Variants in SMPDL3B observed in about 807,000 individuals in gnomAD.
The protein encoded by SMPDL3B is sphingomyelin phosphodiesterase acid like 3B.
SMPDL3B carries 31 observed loss-of-function variants against 37.9 expected under a neutral mutation model. That is an observed-to-expected ratio of 0.82 (90% CI 0.61 to 1.10). The LOEUF is 1.10. SMPDL3B is among the 50% of genes least tolerant of loss of function. SMPDL3B has a pLI of 0.00. For synonymous variants in SMPDL3B, 235 were observed against 242.6 expected (o/e 0.97, Z 0.29); for missense variants, 525 against 597.8 (o/e 0.88, Z 1.27).
Position 27,955,989 on chromosome 1 carries a change from C to A in SMPDL3B, c.912C>A (p.Thr304=). 6.2e-7 allele frequency: 1 copy of A among 1,614,078 alleles called. No individual in the cohort carries two copies. Among genetic ancestry groups the A allele is most frequent in the Admixed American group, 1.7e-5 (1 of 60,016 alleles). Residue 304 remains threonine, a synonymous_variant, in exon 7 of 8, where the codon ACC becomes ACA. Transcript: ENST00000373894. ...CCATGTTCATCACACCTGGAGTCAC[C>A]CCATGGAAAACCACATTACCTGGAG... ...ISAMFITPGV[T]PWKTTLPGVV... is the part of the protein sequence containing the mutation.
chr1:27,945,160 C>A lies in SMPDL3B; in HGVS notation c.62-72C>A. On this transcript the variant is annotated intron_variant, in intron 1 of 7. Coordinates refer to ENST00000373894, the MANE Select transcript of SMPDL3B (RefSeq NM_014474.4). This position sits in a 1 kb window ranked among gnomAD's most constrained non-coding sequence, Gnocchi z 4.0. ...GTAACGCCCCTGCCCCAGCCCAGGG[C>A]TCCCCTGGACTTCCTTGCTTCCAGG... 6.8e-7 allele frequency: 1 copy of A among 1,462,702 alleles called. No individual in the cohort carries two copies. The highest frequency in any genetic ancestry group is 9.5e-7 in the Non-Finnish European group (1 of 1,047,446). 90.6% of individuals were successfully genotyped at this position (1,462,702 alleles called of 1,614,324 possible).
chr1:27,944,186 CT>C, intron 1 of SMPDL3B, among the ~76,000 whole-genome samples: 1 of 152,090 alleles, frequency 6.6e-6, no homozygotes, highest in East Asian at 1.9e-4. Flanking sequence ...GGTCAATCAC[CT>C]CAGCAAGCAG....
At chr1:27,956,938 G>C (rs1390783116) in intron 7 of SMPDL3B, among the ~76,000 whole-genome samples, 1 of 151,984 alleles carries the variant, frequency 6.6e-6, no homozygotes, top group Non-Finnish European at 1.5e-5. Flanking sequence ...ATCTTGGGGA[G>C]GTGGAGGGAA....
chr1:27,945,523 C>T lies in SMPDL3B; in HGVS notation c.275+78C>T. On this transcript the variant is annotated intron_variant, in intron 2 of 7. Transcript: ENST00000373894. The surrounding 1 kb of genome is among the most constrained non-coding windows in gnomAD (Gnocchi z 4.0). ...ACATACCAGTCTGGCCCTTTGCCCA[C>T]ATTATCTCCCTTAATCCTCACATCA... 1 of 1,127,974 alleles carries T rather than the reference C, an allele frequency of 8.9e-7. No homozygotes were observed. 69.9% of individuals were successfully genotyped at this position (1,127,974 alleles called of 1,614,324 possible). A position where few individuals can be genotyped will look rare whatever the true frequency, so the allele number is the denominator to read the frequency against.
At position 27,945,346 on chromosome 1, in the gene SMPDL3B, G is replaced by A; in HGVS notation, c.176G>A (p.Trp59Ter). ...CAGCCAGTGCCCGACGCAGGCCCCT[G>A]GGGTGACTACCTCTGTGATTCTCCC... The part of the protein sequence containing the change: ...GSQPVPDAGP[W>*]GDYLCDSPWA... The change falls in exon 2 of 8, where the codon TGG becomes TAG. Residue 59 changes from tryptophan (W) to a stop codon, truncating the protein, a stop_gained. Transcript: ENST00000373894. LOFTEE classifies it high-confidence loss of function. The surrounding 1 kb of genome is among the most constrained non-coding windows in gnomAD (Gnocchi z 4.0). 6.8e-6 allele frequency: 11 copies of A among 1,614,130 alleles called. No individual in the cohort carries two copies. Among genetic ancestry groups the A allele is most frequent in the Non-Finnish European group, 9.3e-6 (11 of 1,180,022 alleles).
Position 27,958,354 on chromosome 1 carries a change from C to T in SMPDL3B, c.1006-122C>T. ...AGCACAATGGGTGCACAGCTAAGTGCTCAATAACTACTAGTGGTCATGGTC... is the reference window on the plus strand; with the variant it reads ...AGCACAATGGGTGCACAGCTAAGTGTTCAATAACTACTAGTGGTCATGGTC... On this transcript the variant is annotated intron_variant, in intron 7 of 7. Coordinates refer to ENST00000373894, the MANE Select transcript of SMPDL3B (RefSeq NM_014474.4). This position sits in a 1 kb window ranked among gnomAD's most constrained non-coding sequence, Gnocchi z 5.6. 7.6e-7 allele frequency: 1 copy of T among 1,323,000 alleles called. No individual in the cohort carries two copies. Among genetic ancestry groups the T allele is most frequent in the South Asian group, 1.4e-5 (1 of 72,104 alleles). 82.0% of individuals were successfully genotyped at this position (1,323,000 alleles called of 1,614,324 possible).
At chr1:27,946,759 A>C (rs1232196744) in intron 2 of SMPDL3B, among the ~76,000 whole-genome samples, 1 of 152,174 alleles carries the variant, frequency 6.6e-6, no homozygotes, top group Non-Finnish European at 1.5e-5. Context: ...TGATGCCCCT[A>C]GCTGTGATGT....
chr1:27,950,509 A>G (rs745590481), intron 3 of SMPDL3B, among the ~76,000 whole-genome samples: 1 of 152,202 alleles, frequency 6.6e-6, no homozygotes, highest in Non-Finnish European at 1.5e-5. Context: ...GCTGGAGTAC[A>G]GTGGCACAAT....
intron 1 of SMPDL3B, among the ~76,000 whole-genome samples, chr1:27,942,654 T>C (rs541785105): frequency 5.3e-5 from 8 of 151,812 alleles, no homozygotes; most frequent in African/African-American, 1.9e-4. Context: ...CTGGCTATTT[T>C]TTTGTTTTTT....
intron 3 of SMPDL3B, among the ~76,000 whole-genome samples, 194 bp from the exon 4 acceptor site, chr1:27,953,021 C>T (rs928140264): frequency 6.6e-6 from 1 of 152,140 alleles, no homozygotes; most frequent in Non-Finnish European, 1.5e-5. Flanking sequence ...TGAAAGAACC[C>T]ACTGCTCTTC....
intron 4 of SMPDL3B, among the ~76,000 whole-genome samples, chr1:27,954,092 C>G (rs954213665): frequency 6.6e-6 from 1 of 152,218 alleles, no homozygotes; most frequent in Non-Finnish European, 1.5e-5. Context: ...CTGTTAGTCT[C>G]ACTATGCAGA....
Position 27,942,518 on chromosome 1 carries a change from G to T in SMPDL3B, c.62-2714G>T, listed in dbSNP as rs541633831. On this transcript the variant is annotated intron_variant, in intron 1 of 7. Transcript: ENST00000373894. Reference sequence around the variant, plus strand: ...TTTTTTGAGACAGTCTTGCTGTGTCGCACAGGCAGGAGTGCAGTGGTGCAA... The same window carrying T: ...TTTTTTGAGACAGTCTTGCTGTGTCTCACAGGCAGGAGTGCAGTGGTGCAA... 1.3e-3 allele frequency among the ~76,000 whole-genome samples: 192 copies of T among 152,282 alleles called. 1 individual carries two copies. The highest frequency in any genetic ancestry group is 4.6e-3 in the African/African-American group (190 of 41,550).
chr1:27,935,024 G>A lies in SMPDL3B; in HGVS notation c.-160G>A, dbSNP rs1265604004. 11 of 601,592 alleles carry A rather than the reference G, an allele frequency of 1.8e-5. 1 individual carries two copies. The highest frequency in any genetic ancestry group is 3.3e-5 in the Non-Finnish European group (11 of 334,978). 37.3% of individuals were successfully genotyped at this position (601,592 alleles called of 1,614,324 possible). A position where few individuals can be genotyped will look rare whatever the true frequency, so the allele number is the denominator to read the frequency against. On this transcript the variant is annotated 5_prime_UTR_variant, in exon 1 of 8. Transcript: ENST00000373894. ...CATACCCTGCTGGGCAAAGGAGGAA[G>A]AGCCAGAGGATCCAGACGCCTTGGA...
chr1:27,941,052 A>G (rs1176682751), intron 1 of SMPDL3B, among the ~76,000 whole-genome samples: 1 of 152,200 alleles, frequency 6.6e-6, no homozygotes, highest in Non-Finnish European at 1.5e-5. Context: ...AACACATGGA[A>G]GAGGCTGGAT....
chr1:27,947,366 C>T (rs2090418723), intron 2 of SMPDL3B, among the ~76,000 whole-genome samples: 1 of 151,952 alleles, frequency 6.6e-6, no homozygotes. Flanking sequence ...TGGGAAATCT[C>T]TGAGACCTTG....
Position 27,958,516 on chromosome 1 carries a change from C to G in SMPDL3B, c.1046C>G (p.Ala349Gly), listed in dbSNP as rs1281040103. The G allele has an allele frequency of 6.2e-7, 1 of 1,613,256 alleles. No homozygotes were observed. Among genetic ancestry groups the G allele is most frequent in the Non-Finnish European group, 8.5e-7 (1 of 1,179,580 alleles). ...TYFMNLSQAN[A>G]QGTPRWELEY... ...TTCATGAACCTGAGCCAGGCGAATG[C>G]TCAGGGGACGCCGCGCTGGGAGCTC... Residue 349 changes from alanine (A) to glycine (G), a missense_variant, in exon 8 of 8, where the codon GCT becomes GGT. Physicochemically the swap from Ala to Gly is moderately conservative, Grantham distance 60. Transcript: ENST00000373894. This position sits in a 1 kb window ranked among gnomAD's most constrained non-coding sequence, Gnocchi z 5.6.
chr1:27,951,828 G>A (rs2090457818), intron 3 of SMPDL3B, among the ~76,000 whole-genome samples: 1 of 152,190 alleles, frequency 6.6e-6, no homozygotes, highest in Non-Finnish European at 1.5e-5. Flanking sequence ...CAGCCTGGGA[G>A]GCAAAGGAAG....
At chr1:27,953,112 C>T (rs746244568) in intron 3 of SMPDL3B, 103 bp from the exon 4 acceptor site, 41 of 811,250 alleles carry the variant, frequency 5.1e-5, no homozygotes, top group Middle Eastern at 3.0e-4. Context: ...TCTGTGCTAT[C>T]GCTCTTCCCC....
intron 5 of SMPDL3B, among the ~76,000 whole-genome samples, chr1:27,954,918 C>T (rs2148681004): frequency 6.6e-6 from 1 of 152,358 alleles, no homozygotes; most frequent in South Asian, 2.1e-4. Flanking sequence ...GGCCTGACAG[C>T]TCCTCAAGGA....
Sources: allele counts gnomAD v4.1 joint callset (sites outside exome capture counted in the v4.1 genomes callset), GRCh38; gene constraint gnomAD v4.1.1; non-coding constraint Gnocchi (gnomAD v3.1); transcripts MANE v1.5; gene names NCBI Gene and HGNC (gene_info 2026-07-23, HGNC 2026-07-21).